Variants in CHD1 observed in about 807,000 individuals in gnomAD.
CHD1 encodes the protein chromodomain helicase DNA binding protein 1.
Under a neutral mutation model 224.2 loss-of-function variants are expected in CHD1, and 36 were observed. That is an observed-to-expected ratio of 0.16 (90% confidence interval 0.12 to 0.21). CHD1 has a LOEUF of 0.21. CHD1 is among the 10% of genes least tolerant of loss of function. The pLI is 1.00. For synonymous variants in CHD1, 668 were observed against 658.3 expected, an observed-to-expected ratio of 1.01 and a Z score of -0.23; for missense variants, 1,378 against 1,994.8, an observed-to-expected ratio of 0.69 and a Z score of 5.89.
intron 2 of CHD1, among the ~76,000 whole-genome samples, chr5:98,918,753 C>CAAAA (rs35829200): frequency 1.5e-5 from 1 of 64,542 alleles, no homozygotes; most frequent in African/African-American, 4.4e-5. Context: ...CAAGACTCTT[C>CAAAA]AAAAAAAAAA....
chr5:98,921,798 G>C (rs1753113773), intron 2 of CHD1, among the ~76,000 whole-genome samples: 1 of 152,104 alleles, frequency 6.6e-6, no homozygotes, highest in South Asian at 2.1e-4. Flanking sequence ...ACACCATTCT[G>C]ATCTTTAACC....
At chr5:98,882,203 A>G (rs1750240785) in intron 19 of CHD1, 80 bp from the exon 20 acceptor site, 2 of 1,192,456 alleles carry the variant, frequency 1.7e-6, no homozygotes, top group Non-Finnish European at 2.4e-6. Context: ...ACACTGGCAC[A>G]CAAATTGAAG....
chr5:98,878,337 T>C (rs912886346), intron 23 of CHD1, among the ~76,000 whole-genome samples: 1 of 152,194 alleles, frequency 6.6e-6, no homozygotes, highest in African/African-American at 2.4e-5. Context: ...TAAGATCTAA[T>C]ACGGTTGCAA....
At chr5:98,889,914 G>A (rs551546568) in intron 15 of CHD1, 9 of 152,264 alleles carry the variant, frequency 5.9e-5, no homozygotes, top group African/African-American at 2.2e-4. Context: ...AATATCCATG[G>A]ATGGAGCTGT....
chr5:98,881,851 T>C, intron 20 of CHD1, 124 bp downstream of exon 20: 1 of 817,634 alleles, frequency 1.2e-6, no homozygotes, highest in Non-Finnish European at 1.8e-6. Flanking sequence ...TAGTCCAAAG[T>C]CTTCCAAAAT....
At chr5:98,909,882 G>A (rs1287386427) in intron 2 of CHD1, among the ~76,000 whole-genome samples, 4 of 152,008 alleles carry the variant, frequency 2.6e-5, no homozygotes, top group Non-Finnish European at 4.4e-5. Context: ...CCCTTTATTA[G>A]CTCTTAAGTC....
chr5:98,903,496 G>A (rs1751857184), intron 4 of CHD1, among the ~76,000 whole-genome samples: 1 of 151,524 alleles, frequency 6.6e-6, no homozygotes, highest in African/African-American at 2.4e-5. Flanking sequence ...GTATATGCGT[G>A]TAGGTGCATA....
intron 14 of CHD1, 37 bp downstream of exon 14, chr5:98,893,379 T>C (rs1003655110): frequency 7.0e-7 from 1 of 1,419,902 alleles, no homozygotes; most frequent in East Asian, 2.4e-5. Flanking sequence ...AAACATAATA[T>C]CCACACAATA....
At chr5:98,898,197 T>C (rs1751466879) in intron 10 of CHD1, 59 bp downstream of exon 10, 1 of 935,708 alleles carries the variant, frequency 1.1e-6, no homozygotes, top group Admixed American at 3.9e-5. Context: ...TTTAGGCTTG[T>C]AAATATTTAT....
rs546154343 is a variant in CHD1, at chr5:98,892,382, C to G, written c.2180+143G>C. 5.8e-6 allele frequency: 3 copies of G among 516,514 alleles called. No homozygotes were observed. The East Asian group carries it at 8.7e-5, about 15-fold the overall frequency. The allele number at this position is 516,514 out of a possible 1,614,324, so 32.0% of individuals were successfully genotyped here. On this transcript the variant is annotated intron_variant, in intron 15 of 35. Coordinates refer to ENST00000614616, the MANE Select transcript of CHD1 (RefSeq NM_001270.4). ...AATCTCCTTTTGCCTCCTAACGACA[C>G]AGAATAAACTTATTCTGAAACTCGA...
chr5:98,885,992 T>A (rs1219371982), intron 17 of CHD1: 5 of 180,774 alleles, frequency 2.8e-5, no homozygotes, highest in African/African-American at 9.4e-5. Context: ...TCATGTTTTA[T>A]CATTTTACTT....
chr5:98,880,833 A>G (rs759178383), intron 22 of CHD1, among the ~76,000 whole-genome samples: 4 of 152,204 alleles, frequency 2.6e-5, no homozygotes, highest in Non-Finnish European at 5.9e-5. Flanking sequence ...TTTGCCAAAC[A>G]CTATTCTAGT....
At chr5:98,914,887 A>ATC (rs33980994) in intron 2 of CHD1, among the ~76,000 whole-genome samples, 50,415 of 151,944 alleles carry the variant, frequency 0.33, 10,006 homozygotes, top group African/African-American at 0.55. Flanking sequence ...TTATACATAT[A>ATC]TCTCTCCTAA....
chr5:98,870,830 T>C (rs199529443), intron 28 of CHD1, 27 bp from the exon 29 acceptor site: 80 of 1,430,128 alleles, frequency 5.6e-5, no homozygotes, highest in Middle Eastern at 1.8e-4. Context: ...TTTTTTCAGA[T>C]TGTCTTAATA....
At chr5:98,859,322 G>A (rs1219368473) in intron 33 of CHD1, among the ~76,000 whole-genome samples, 1 of 152,032 alleles carries the variant, frequency 6.6e-6, no homozygotes, top group Non-Finnish European at 1.5e-5. Context: ...ATAGTATAAT[G>A]ATCAAAACCA....
chr5:98,873,767 A>AGTG, intron 25 of CHD1, 44 bp from the exon 26 acceptor site: 1 of 1,560,602 alleles, frequency 6.4e-7, no homozygotes, highest in African/African-American at 1.4e-5. Flanking sequence ...TGTTAAATGA[A>AGTG]GTGGTGCCAT....
chr5:98,870,130 A>C (rs1749222264), intron 29 of CHD1, among the ~76,000 whole-genome samples: 1 of 152,186 alleles, frequency 6.6e-6, no homozygotes, highest in Non-Finnish European at 1.5e-5. Context: ...AAGTAGAAAC[A>C]AATTTTTTAC....
Position 98,872,694 on chromosome 5 carries a change from C to A in CHD1, c.3572-139G>T, listed in dbSNP as rs1749443380. 3 of 737,970 alleles carry A rather than the reference C, an allele frequency of 4.1e-6. No individual in the cohort carries two copies. The African/African-American group carries it at 5.4e-5, about 13-fold the overall frequency. 45.7% of individuals were successfully genotyped at this position (737,970 alleles called of 1,614,324 possible). A position where few individuals can be genotyped will look rare whatever the true frequency, so the allele number is the denominator to read the frequency against. ...ATATTATTAAGAGATTACTGGAAAA[C>A]CTTGAACTTCATTACATATGAACAA... On this transcript the variant is annotated intron_variant, in intron 26 of 35. Coordinates refer to ENST00000614616, the MANE Select transcript of CHD1 (RefSeq NM_001270.4).
Position 98,856,484 on chromosome 5 carries a change from A to C in CHD1, c.5029T>G (p.Ser1677Ala), listed in dbSNP as rs754204955. ...TAAGGAGATCTCTGATCTAGTGGTG[A>C]CCTAGGGCCACTGCTGGAAGCTCTG... ...DHRASSSGPR[S>A]PLDQRSPYGS... Residue 1677 changes from serine (S) to alanine (A), a missense_variant, in exon 36 of 36, where the codon TCA becomes GCA. This residue lies in a region of CHD1 where 278 missense variants were observed against 298.5 expected (regional missense o/e 0.93). Transcript: ENST00000614616. 1.9e-6 allele frequency: 3 copies of C among 1,613,728 alleles called. No individual in the cohort carries two copies. Among genetic ancestry groups the C allele is most frequent in the Non-Finnish European group, 2.5e-6 (3 of 1,179,668 alleles).
Sources: gnomAD v4.1 joint callset for allele counts (sites outside exome capture counted in the v4.1 genomes callset) on GRCh38, gnomAD v4.1.1 for gene constraint, gnomAD v4.1.1 regional missense constraint, MANE v1.5 for transcripts, NCBI Gene and HGNC (gene_info 2026-07-23, HGNC 2026-07-21) for gene names.